Variants in MARCHF6 observed in about 807,000 individuals in gnomAD.
MARCHF6 encodes E3 ubiquitin-protein ligase MARCHF6.
MARCHF6 carries 31 observed loss-of-function variants against 133.7 expected under a neutral mutation model. That is an observed-to-expected ratio of 0.23 (90% CI 0.17 to 0.31). The LOEUF (loss-of-function observed/expected upper bound fraction) is 0.31. Ranked by LOEUF, MARCHF6 falls within the 10% of genes least tolerant of loss-of-function variation. The pLI, the probability that MARCHF6 is intolerant of heterozygous loss-of-function variation, is 1.00. For missense variants in MARCHF6, 723 were observed against 1,121.6 expected, an observed-to-expected ratio of 0.64 and a Z score of 5.08; for synonymous variants, 395 against 402.5, an observed-to-expected ratio of 0.98 and a Z score of 0.22.
chr5:10,390,361 G>A lies in MARCHF6; in HGVS notation c.437G>A (p.Gly146Asp). 1 of 1,612,760 alleles carries A rather than the reference G, an allele frequency of 6.2e-7. No individual in the cohort carries two copies. The highest frequency in any genetic ancestry group is 8.5e-7 in the Non-Finnish European group (1 of 1,179,582). ...AATTTGTTGGCAGATTGTTTGCAGGGTTGTTTTGTGGTGACGTGCACACTG... is the reference window on the plus strand; with the variant it reads ...AATTTGTTGGCAGATTGTTTGCAGGATTGTTTTGTGGTGACGTGCACACTG... ...TENLLADCLQ[G>D]CFVVTCTLCA... Residue 146 changes from glycine (G) to aspartate (D), a missense_variant, in exon 6 of 26, where the codon GGT becomes GAT. Physicochemically the swap from Gly to Asp is moderately conservative, Grantham distance 94. This residue lies in a region of MARCHF6 where 91 missense variants were observed against 208.8 expected (regional missense o/e 0.44). Transcript: ENST00000274140.
In MARCHF6 at chr5:10,426,513, C is replaced by T. The variant is rs867534019; in HGVS notation, c.2497C>T (p.Pro833Ser). The change falls in exon 24 of 26, where the codon CCT (proline) becomes TCT (serine). Residue 833 changes from proline to serine, a missense_variant. By Grantham distance (74) the Pro-to-Ser change is moderately conservative (BLOSUM62 -1). Transcript: ENST00000274140. ...TTATGTCATAGCTTCTGGTGTTGTT[C>T]CTTTACTAGGTACGTAATGCTGGTT... is the stretch of plus-strand genomic sequence containing the variant. ...VPYVIASGVV[P>S]LLGVTAEMQN... is the part of the protein sequence containing the mutation. 1.2e-6 allele frequency: 2 copies of T among 1,613,920 alleles called. No homozygotes were observed. The highest frequency in any genetic ancestry group is 2.2e-5 in the East Asian group (1 of 44,870).
intron 7 of MARCHF6, among the ~76,000 whole-genome samples, chr5:10,393,035 A>T (rs1271677241): frequency 1.3e-5 from 2 of 152,112 alleles, no homozygotes; most frequent in African/African-American, 4.8e-5. Flanking sequence ...TGCTCTGAGG[A>T]TGCTGTTGGG....
Position 10,405,555 on chromosome 5 carries a change from C to A in MARCHF6, c.1333-3C>A. 1.3e-6 allele frequency: 2 copies of A among 1,591,238 alleles called. No individual in the cohort carries two copies. The highest frequency in any genetic ancestry group is 1.7e-6 in the Non-Finnish European group (2 of 1,172,740). On this transcript the variant is annotated splice_region_variant and splice_polypyrimidine_tract_variant and intron_variant, in intron 15 of 25. Coordinates refer to ENST00000274140, the MANE Select transcript of MARCHF6 (RefSeq NM_005885.4). ...ATTCATAGTATTTAAAATATATTTG[C>A]AGGTACTTCGACCTGGTGTCCTGTG...
chr5:10,370,924 G>A (rs564963068), intron 1 of MARCHF6, among the ~76,000 whole-genome samples: 5 of 152,248 alleles, frequency 3.3e-5, no homozygotes, highest in East Asian at 3.9e-4. Context: ...AGTTGGAGGA[G>A]CAGATAAATA....
chr5:10,438,217 G>A lies in MARCHF6; in HGVS notation c.*4533G>A, dbSNP rs1479008614. ...TAGAGTAAAACCAATCAAATCCATT[G>A]TACATACCTGACCATATGTCCCAGA... On this transcript the variant is annotated 3_prime_UTR_variant, in exon 26 of 26. Coordinates refer to ENST00000274140, the MANE Select transcript of MARCHF6 (RefSeq NM_005885.4). 1 of 152,018 alleles carries A rather than the reference G, an allele frequency of 6.6e-6. No homozygotes were observed. The highest frequency in any genetic ancestry group is 2.4e-5 in the African/African-American group (1 of 41,396). 9.4% of individuals were successfully genotyped at this position (152,018 alleles called of 1,614,324 possible).
At position 10,394,063 on chromosome 5, in the gene MARCHF6, A is replaced by T; in HGVS notation, c.767-19A>T. 7.0e-7 allele frequency: 1 copy of T among 1,434,442 alleles called. No homozygotes were observed. The highest frequency in any genetic ancestry group is 9.4e-7 in the Non-Finnish European group (1 of 1,066,042). The allele number at this position is 1,434,442 out of a possible 1,614,324, so 88.9% of individuals were successfully genotyped here. Reference sequence around the variant, plus strand: ...TATTTTTACTTCAAGTAATCTTTAAATTGCAATTATATTTTCAGATGACAT... The same window carrying T: ...TATTTTTACTTCAAGTAATCTTTAATTTGCAATTATATTTTCAGATGACAT... On this transcript the variant is annotated intron_variant, in intron 7 of 25. Transcript: ENST00000274140.
intron 24 of MARCHF6, among the ~76,000 whole-genome samples, chr5:10,427,279 C>G (rs867129675): frequency 2.0e-5 from 3 of 152,242 alleles, no homozygotes; most frequent in South Asian, 2.1e-4. Flanking sequence ...GGTTTCCCAG[C>G]CTTGAACCTG....
chr5:10,380,700 C>T (rs377152686), intron 3 of MARCHF6, among the ~76,000 whole-genome samples: 20 of 152,108 alleles, frequency 1.3e-4, no homozygotes, highest in African/African-American at 4.3e-4. Flanking sequence ...CTGAGGCAGG[C>T]GGACCACCTG....
chr5:10,397,949 T>C (rs574027158), intron 10 of MARCHF6, among the ~76,000 whole-genome samples: 3 of 152,210 alleles, frequency 2.0e-5, no homozygotes, highest in Non-Finnish European at 4.4e-5. Context: ...GGAGACACTG[T>C]TGACAGAGGT....
chr5:10,420,580 G>T (rs1415237972), intron 22 of MARCHF6, among the ~76,000 whole-genome samples: 1 of 152,186 alleles, frequency 6.6e-6, no homozygotes, highest in Non-Finnish European at 1.5e-5. Context: ...TGGCATCAAG[G>T]AGCCATCTTG....
chr5:10,384,929 T>C (rs921754524), intron 4 of MARCHF6, among the ~76,000 whole-genome samples: 2 of 152,200 alleles, frequency 1.3e-5, no homozygotes, highest in Non-Finnish European at 2.9e-5. Context: ...TTAATAGTAC[T>C]TAAAAACTGA....
chr5:10,383,487 A>G (rs1317137300), intron 4 of MARCHF6, among the ~76,000 whole-genome samples: 2 of 152,182 alleles, frequency 1.3e-5, no homozygotes, highest in East Asian at 1.9e-4. Context: ...AGATTATCCT[A>G]CAAAGTAAAG....
At position 10,353,867 on chromosome 5, in the gene MARCHF6, G is replaced by C. The variant is rs768085940; in HGVS notation, c.-32G>C. Reference sequence around the variant, plus strand: ...TTCCCCGCCCGGCCGCGGGAGCCTCGTGGCTGCGTCACCGCCGCCCCCCCA... The same window carrying C: ...TTCCCCGCCCGGCCGCGGGAGCCTCCTGGCTGCGTCACCGCCGCCCCCCCA... On this transcript the variant is annotated 5_prime_UTR_variant, in exon 1 of 26. Transcript: ENST00000274140. The C allele has an allele frequency of 3.2e-6, 5 of 1,557,580 alleles. No homozygotes were observed. Among genetic ancestry groups the C allele is most frequent in the South Asian group, 1.2e-5 (1 of 85,296 alleles).
In MARCHF6 at chr5:10,402,085, A is replaced by G. The variant is rs757348296; in HGVS notation, c.999A>G (p.Leu333=). The change falls in exon 12 of 26, where the codon CTA becomes CTG. Residue 333 remains leucine, a synonymous_variant. Transcript: ENST00000274140. ...TCCAAGCATCTCATTTTGAAGGCCTAATCACAACCATAGTTGGGTATATAC... is the reference window on the plus strand; with the variant it reads ...TCCAAGCATCTCATTTTGAAGGCCTGATCACAACCATAGTTGGGTATATAC... ...EHVQASHFEG[L]ITTIVGYILL... is the part of the protein sequence containing the mutation. 1 of 1,610,254 alleles carries G rather than the reference A, an allele frequency of 6.2e-7. No individual in the cohort carries two copies. The highest frequency in any genetic ancestry group is 8.5e-7 in the Non-Finnish European group (1 of 1,176,816).
rs528520975 is a variant in MARCHF6, at chr5:10,426,775, A to G, written c.2506+253A>G. ...AACTTGAAATTTACATGCTGTACAA[A>G]ATAGGCAGGATCAGATTTCCTTCAG... On this transcript the variant is annotated intron_variant, in intron 24 of 25. Coordinates refer to ENST00000274140, the MANE Select transcript of MARCHF6 (RefSeq NM_005885.4). 2.2e-4 allele frequency among the ~76,000 whole-genome samples: 33 copies of G among 152,354 alleles called. No homozygotes were observed. The South Asian group carries it at 6.6e-3, about 31-fold the overall frequency.
At chr5:10,384,224 A>G (rs1291978096) in intron 4 of MARCHF6, among the ~76,000 whole-genome samples, 8 of 152,232 alleles carry the variant, frequency 5.3e-5, no homozygotes, top group Admixed American at 2.0e-4. Context: ...GAATAAGCAT[A>G]AAACAAAATA....
chr5:10,377,919 T>C (rs765207662), intron 2 of MARCHF6, 25 bp downstream of exon 2: 12 of 1,438,096 alleles, frequency 8.3e-6, no homozygotes, highest in African/African-American at 4.2e-5. Context: ...TAGAAAGTTA[T>C]GTAAGTCTGA....
intron 7 of MARCHF6, among the ~76,000 whole-genome samples, chr5:10,392,192 TG>T (rs1737900791): frequency 6.6e-6 from 1 of 152,140 alleles, no homozygotes; most frequent in Non-Finnish European, 1.5e-5. Flanking sequence ...CTCCTGACCT[TG>T]TGAGCCGCCC....
chr5:10,355,023 G>C (rs1373471151), intron 1 of MARCHF6, among the ~76,000 whole-genome samples: 1 of 151,948 alleles, frequency 6.6e-6, no homozygotes, highest in Non-Finnish European at 1.5e-5. Flanking sequence ...TTCCATCTTC[G>C]TAAAAAGCCT....
Sources: allele counts gnomAD v4.1 joint callset (sites outside exome capture counted in the v4.1 genomes callset), GRCh38; gene constraint gnomAD v4.1.1; regional missense constraint gnomAD v4.1.1; transcripts MANE v1.5; gene names NCBI Gene and HGNC (gene_info 2026-07-23, HGNC 2026-07-21).